Variants in TUSC3 observed in about 807,000 individuals in gnomAD.
The protein encoded by TUSC3 is dolichyl-diphosphooligosaccharide--protein glycosyltransferase subunit TUSC3.
A neutral mutation model predicts 44.8 loss-of-function variants in TUSC3; 45 were observed. The observed-to-expected ratio is 1.00, with a 90% CI of 0.79 to 1.29. The LOEUF (loss-of-function observed/expected upper bound fraction) is 1.29. Among genes scored for constraint, TUSC3 ranks in the 50% most tolerant of loss-of-function variants. The pLI, the probability that TUSC3 is intolerant of heterozygous loss-of-function variation, is 0.00. For synonymous variants in TUSC3, 212 were observed against 152.9 expected (o/e 1.39, Z -2.85); for missense variants, 519 against 437.9 (o/e 1.19, Z -1.65).
At chr8:15,734,461 A>G (rs1003228020) in intron 7 of TUSC3, among the ~76,000 whole-genome samples, 7 of 152,330 alleles carry the variant, frequency 4.6e-5, no homozygotes, top group African/African-American at 1.4e-4. Context: ...AATAAGAAAC[A>G]TTATATTTTA....
chr8:15,576,020 CT>C (rs1803090179), intron 1 of TUSC3, among the ~76,000 whole-genome samples: 1 of 151,798 alleles, frequency 6.6e-6, no homozygotes, highest in Non-Finnish European at 1.5e-5. Context: ...CTGATTTCAG[CT>C]TTTTCCTTTT....
At chr8:15,640,040 G>A (rs1202540629) in intron 2 of TUSC3, among the ~76,000 whole-genome samples, 2 of 152,152 alleles carry the variant, frequency 1.3e-5, no homozygotes, top group Non-Finnish European at 2.9e-5. Context: ...TGCCATATGG[G>A]AACTTGGATT....
the TUSC3 span, among the ~76,000 whole-genome samples, chr8:15,803,250 A>G: frequency 3.3e-5 from 5 of 152,316 alleles, no homozygotes; most frequent in East Asian, 9.7e-4. Context: ...GCAATTTTTC[A>G]TCATTCTTTC....
At chr8:15,851,186 G>C in the TUSC3 span, among the ~76,000 whole-genome samples, 1 of 152,136 alleles carries the variant, frequency 6.6e-6, no homozygotes, top group Admixed American at 6.5e-5. Flanking sequence ...TGTCTAGTTT[G>C]ACCAAAGCCT....
intron 2 of TUSC3, among the ~76,000 whole-genome samples, chr8:15,531,802 C>G (rs1347804429): frequency 1.2e-4 from 18 of 152,196 alleles, no homozygotes; most frequent in Non-Finnish European, 2.6e-4. Flanking sequence ...ATACGGTATA[C>G]TTACCTTCTG....
intron 1 of TUSC3, among the ~76,000 whole-genome samples, chr8:15,549,121 T>C (rs1801968030): frequency 6.6e-6 from 1 of 151,986 alleles, no homozygotes; most frequent in East Asian, 1.9e-4. Context: ...ACCTCAGGTA[T>C]ATTTGCTGCA....
chr8:15,771,433 G>C (rs2543119), downstream of TUSC3, among the ~76,000 whole-genome samples: 117,381 of 152,072 alleles, frequency 0.77, 45,465 homozygotes, highest in African/African-American at 0.8. Flanking sequence ...AAGGACAACT[G>C]AGAGTCATAC....
At chr8:15,761,530 C>T in intron 10 of TUSC3, among the ~76,000 whole-genome samples, 1 of 152,292 alleles carries the variant, frequency 6.6e-6, no homozygotes, top group East Asian at 1.9e-4. Flanking sequence ...ATTACTATCT[C>T]AGTTACAGTT....
Position 15,512,123 on chromosome 8 carries a change from A to G in TUSC3, n.189+28640A>G, listed in dbSNP as rs989590459. 2.0e-5 allele frequency among the ~76,000 whole-genome samples: 3 copies of G among 152,368 alleles called. No homozygotes were observed. The East Asian group carries it at 5.8e-4, about 29-fold the overall frequency. On this transcript the variant is annotated intron_variant and non_coding_transcript_variant, in intron 2 of 5. Coordinates refer to the TUSC3 transcript ENST00000503191. ...TACGTAATTTCAAAACTTACTATAA[A>G]GCTATAATAATTGAAACTGTGATAT...
intron 2 of TUSC3, among the ~76,000 whole-genome samples, chr8:15,501,590 AAAG>A (rs966193074): frequency 6.6e-6 from 1 of 152,182 alleles, no homozygotes; most frequent in Admixed American, 6.5e-5. Flanking sequence ...TGGGAATGGG[AAAG>A]AAGAAGCTAC....
chr8:15,588,653 T>A (rs751238053), intron 1 of TUSC3, among the ~76,000 whole-genome samples: 62 of 152,214 alleles, frequency 4.1e-4, no homozygotes, highest in Non-Finnish European at 6.8e-4. Flanking sequence ...TGAAACATTT[T>A]CTCAGTGTTT....
chr8:15,814,994 A>G, the TUSC3 span, among the ~76,000 whole-genome samples: 1 of 152,194 alleles, frequency 6.6e-6, no homozygotes, highest in African/African-American at 2.4e-5. Flanking sequence ...ATACAACATG[A>G]AACAAGATAC....
intron 1 of TUSC3, among the ~76,000 whole-genome samples, chr8:15,439,977 G>C (rs1016268458): frequency 1.3e-5 from 2 of 152,142 alleles, no homozygotes; most frequent in African/African-American, 2.4e-5. Context: ...TATATAGTGA[G>C]TGTCCACTCT....
At position 15,431,925 on chromosome 8, in the gene TUSC3, C is replaced by G. The variant is rs1185033489; in HGVS notation, n.91+14620C>G. ...CTGTGTCTATTAGAAATTACATTAT[C>G]ACATTTATTTATGTTGCACTATCTT... is the stretch of plus-strand genomic sequence containing the variant. On this transcript the variant is annotated intron_variant and non_coding_transcript_variant, in intron 1 of 5. Coordinates refer to the TUSC3 transcript ENST00000503191. Among the ~76,000 whole-genome samples the G allele has an allele frequency of 4.0e-5, 5 of 125,108 alleles. No homozygotes were observed. The East Asian group carries it at 1.1e-3, about 27-fold the overall frequency. The allele number at this position is 125,108 out of a possible 152,430, so 82.1% of individuals were successfully genotyped here.
chr8:15,784,321 C>T, the TUSC3 span, among the ~76,000 whole-genome samples: 1 of 152,224 alleles, frequency 6.6e-6, no homozygotes, highest in Admixed American at 6.5e-5. Flanking sequence ...GATTATCCAG[C>T]ACTCCTACTT....
At chr8:15,552,380 C>T (rs1585093641) in intron 1 of TUSC3, among the ~76,000 whole-genome samples, 2 of 151,670 alleles carry the variant, frequency 1.3e-5, no homozygotes, top group Non-Finnish European at 1.5e-5. Flanking sequence ...AGCCATTGTC[C>T]CGGATATATC....
chr8:15,839,195 T>C, the TUSC3 span, among the ~76,000 whole-genome samples: 1 of 152,218 alleles, frequency 6.6e-6, no homozygotes, highest in Non-Finnish European at 1.5e-5. Context: ...TTGTGATTTT[T>C]GCACATTGAT....
intron 2 of TUSC3, among the ~76,000 whole-genome samples, chr8:15,492,781 G>GA (rs372432755): frequency 1.1e-3 from 153 of 137,056 alleles, no homozygotes; most frequent in East Asian, 3.6e-3. Flanking sequence ...CCATAAAAAG[G>GA]AAAAAAAAAA....
intron 1 of TUSC3, among the ~76,000 whole-genome samples, chr8:15,616,753 A>G (rs1471093487): frequency 6.6e-6 from 1 of 152,150 alleles, no homozygotes; most frequent in African/African-American, 2.4e-5. Context: ...CAAGAGCCCT[A>G]ACACCCCTTG....
Sources: gnomAD v4.1 joint callset for allele counts (sites outside exome capture counted in the v4.1 genomes callset) on GRCh38, gnomAD v4.1.1 for gene constraint, MANE v1.5 for transcripts, NCBI Gene and HGNC (gene_info 2026-07-23, HGNC 2026-07-21) for gene names.